RANBP10: variants seen among roughly 807,000 people sequenced by gnomAD.
RANBP10 encodes ran-binding protein 10.
RANBP10 carries 24 observed loss-of-function variants against 72.8 expected under a neutral mutation model. The ratio of observed to expected loss-of-function variants is 0.33; its 90% CI spans 0.24 to 0.46. The LOEUF (loss-of-function observed/expected upper bound fraction) is 0.46. Among genes scored for constraint, RANBP10 ranks in the 20% least tolerant of loss-of-function variants. The pLI is 1.00. For synonymous variants in RANBP10, 310 were observed against 322.3 expected, an observed-to-expected ratio of 0.96 and a Z score of 0.41; for missense variants, 679 against 817.5, an observed-to-expected ratio of 0.83 and a Z score of 2.07.
At chr16:67,789,117 C>A (rs1250659205) in intron 2 of RANBP10, among the ~76,000 whole-genome samples, 1 of 151,406 alleles carries the variant, frequency 6.6e-6, no homozygotes, top group Non-Finnish European at 1.5e-5. Context: ...CAAGACCAGC[C>A]TGGCCAATAT....
intron 3 of RANBP10, among the ~76,000 whole-genome samples, chr16:67,757,802 C>T (rs759696714): frequency 1.3e-5 from 2 of 152,164 alleles, no homozygotes; most frequent in African/African-American, 2.4e-5. Context: ...AGGAACAGGA[C>T]CAATGCAACC....
chr16:67,763,944 G>C (rs554572085), intron 3 of RANBP10, among the ~76,000 whole-genome samples: 16 of 152,274 alleles, frequency 1.1e-4, no homozygotes, highest in Non-Finnish European at 2.2e-4. Context: ...TGATTCTCCT[G>C]CCTCGGCCGC....
At chr16:67,784,734 G>T (rs961355020) in intron 2 of RANBP10, among the ~76,000 whole-genome samples, 3 of 150,518 alleles carry the variant, frequency 2.0e-5, no homozygotes, top group Non-Finnish European at 3.0e-5. Flanking sequence ...CAGGAAAATC[G>T]CTTGAACCCG....
Position 67,744,412 on chromosome 16 carries a change from A to G in RANBP10, c.444T>C (p.His148=). The G allele has an allele frequency of 1.2e-6, 2 of 1,614,200 alleles. No homozygotes were observed. The highest frequency in any genetic ancestry group is 2.2e-5 in the South Asian group (2 of 91,074). The part of the protein sequence containing the change: ...HSYGYHGDDG[H]SFCSSGTGQP... ...GGCCAGTCCCCGAGGAGCAGAACGAATGCCCATCATCACCATGGTAACCAT... is the reference window on the plus strand; with the variant it reads ...GGCCAGTCCCCGAGGAGCAGAACGAGTGCCCATCATCACCATGGTAACCAT... Residue 148 remains histidine (H), a synonymous_variant, in exon 4 of 14, where the codon CAT becomes CAC. Coordinates refer to ENST00000317506, the MANE Select transcript of RANBP10 (RefSeq NM_020850.3).
At chr16:67,762,685 G>A (rs2143010350) in intron 3 of RANBP10, 1 of 152,380 alleles carries the variant, frequency 6.6e-6, no homozygotes, top group South Asian at 2.1e-4. Flanking sequence ...GCAGTGGGGT[G>A]AGGCTGAGCT....
rs909826205 is a variant in RANBP10, at chr16:67,745,793, G to C, written c.401-1338C>G. Among the ~76,000 whole-genome samples the C allele has an allele frequency of 3.9e-5, 6 of 152,068 alleles. No individual in the cohort carries two copies. The East Asian group carries it at 9.6e-4, about 24-fold the overall frequency. Reference sequence around the variant, plus strand: ...CTAACACTTTGGGAGGCTAAGGTGGGAGGATCACTTGAGGTCAGGAGGTCA... The same window carrying C: ...CTAACACTTTGGGAGGCTAAGGTGGCAGGATCACTTGAGGTCAGGAGGTCA... On this transcript the variant is annotated intron_variant, in intron 3 of 13. Coordinates refer to ENST00000317506, the MANE Select transcript of RANBP10 (RefSeq NM_020850.3).
At position 67,769,459 on chromosome 16, in the gene RANBP10, AAAAG is replaced by A. The variant is rs991089579; in HGVS notation, c.400+2571_400+2574del. ...ACCCTGTCTCAAAAAAAAAAAAAAA[AAAAG>A]TGCTGGGCGCAGTGGCTCACGCCTG... On this transcript the variant is annotated intron_variant, in intron 3 of 13. Coordinates refer to ENST00000317506, the MANE Select transcript of RANBP10 (RefSeq NM_020850.3). Among the ~76,000 whole-genome samples the A allele has an allele frequency of 6.5e-5, 9 of 139,172 alleles. 1 individual carries two copies. The highest frequency in any genetic ancestry group is 6.4e-4 in the East Asian group (3 of 4,658). The allele number at this position is 139,172 out of a possible 152,430, so 91.3% of individuals were successfully genotyped here. A position where few individuals can be genotyped will look rare whatever the true frequency, so the allele number is the denominator to read the frequency against.
At position 67,805,576 on chromosome 16, in the gene RANBP10, G is replaced by A. The variant is rs147267183; in HGVS notation, c.236-37C>T. 2.0e-3 allele frequency: 3,136 copies of A among 1,571,154 alleles called. 9 individuals are homozygous for A. Among genetic ancestry groups the A allele is most frequent in the Middle Eastern group, 3.9e-3 (23 of 5,974 alleles). ...GGGCAAGTAAGAAATTTCAGCAGAA[G>A]GAAATGCAAATGGAAGCCTCATTTT... is the stretch of plus-strand genomic sequence containing the variant. On this transcript the variant is annotated intron_variant, in intron 1 of 13. Coordinates refer to ENST00000317506, the MANE Select transcript of RANBP10 (RefSeq NM_020850.3).
intron 3 of RANBP10, among the ~76,000 whole-genome samples, chr16:67,752,746 T>C (rs895102586): frequency 4.6e-5 from 7 of 152,182 alleles, no homozygotes; most frequent in African/African-American, 1.4e-4. Flanking sequence ...TGCAGCAGCA[T>C]GGTTTAAGGC....
At chr16:67,744,003 G>T in intron 4 of RANBP10, 1 of 847,256 alleles carries the variant, frequency 1.2e-6, no homozygotes, top group Non-Finnish European at 1.4e-6. Flanking sequence ...CTCATCCAAC[G>T]CCAAACCTTG....
intron 3 of RANBP10, among the ~76,000 whole-genome samples, chr16:67,769,673 G>C (rs1232086615): frequency 7.0e-6 from 1 of 142,882 alleles, no homozygotes; most frequent in Non-Finnish European, 1.5e-5. Context: ...ACCAACCCAG[G>C]AGGCAGAGCT....
At chr16:67,788,322 G>A (rs574553652) in intron 2 of RANBP10, among the ~76,000 whole-genome samples, 3 of 151,882 alleles carry the variant, frequency 2.0e-5, no homozygotes, top group East Asian at 1.9e-4. Flanking sequence ...GTGCGATCTC[G>A]GCTCAATGCA....
At chr16:67,802,840 A>AT (rs1459642973) in intron 2 of RANBP10, among the ~76,000 whole-genome samples, 1 of 152,218 alleles carries the variant, frequency 6.6e-6, no homozygotes, top group Non-Finnish European at 1.5e-5. Flanking sequence ...GATCTCCAAC[A>AT]TAGCCAGACC....
chr16:67,775,345 T>G (rs997232685), intron 2 of RANBP10, among the ~76,000 whole-genome samples: 3 of 151,982 alleles, frequency 2.0e-5, no homozygotes, highest in African/African-American at 7.3e-5. Context: ...ACAGCTAACA[T>G]CATACTCAAT....
chr16:67,737,870 G>A (rs990267498), intron 5 of RANBP10, 143 bp downstream of exon 5: 1 of 1,120,184 alleles, frequency 8.9e-7, no homozygotes, highest in Non-Finnish European at 1.3e-6. Context: ...GCCCCTCCTG[G>A]TACCCTCAAG....
chr16:67,765,199 C>CAAAAAAAAAA (rs569942198), intron 3 of RANBP10, among the ~76,000 whole-genome samples: 1 of 11,650 alleles, frequency 8.6e-5, no homozygotes, highest in Non-Finnish European at 2.2e-4. Flanking sequence ...GACTCCATCT[C>CAAAAAAAAAA]AAAAAAAAAA....
chr16:67,801,800 T>TA (rs1022696314), intron 2 of RANBP10, among the ~76,000 whole-genome samples: 96 of 149,158 alleles, frequency 6.4e-4, no homozygotes, highest in Admixed American at 1.3e-3. Flanking sequence ...ATAAAATAGT[T>TA]AAAAAAAAAA....
intron 5 of RANBP10, 118 bp from the exon 6 acceptor site, chr16:67,735,160 G>A: frequency 9.7e-7 from 1 of 1,029,780 alleles, no homozygotes; most frequent in Non-Finnish European, 1.4e-6. Context: ...CAGCAAGGCT[G>A]GAGGAGGCAG....
chr16:67,752,296 T>C (rs886580918), intron 3 of RANBP10, among the ~76,000 whole-genome samples: 4 of 152,154 alleles, frequency 2.6e-5, no homozygotes, highest in African/African-American at 9.7e-5. Context: ...ACAGGGTTCT[T>C]TATGAAATGG....
Sources: gnomAD v4.1 joint callset for allele counts (sites outside exome capture counted in the v4.1 genomes callset) on GRCh38, gnomAD v4.1.1 for gene constraint, MANE v1.5 for transcripts, NCBI Gene and HGNC (gene_info 2026-07-23, HGNC 2026-07-21) for gene names.